The following ITGA2 variants were observed in gnomAD, a reference collection of about 807,000 sequenced individuals.
The protein encoded by ITGA2 is integrin subunit alpha 2, also known as integrin alpha-2.
In ITGA2, 101 loss-of-function variants were observed where a neutral mutation model predicts 146.3. The ratio of observed to expected loss-of-function variants is 0.69; its 90% confidence interval spans 0.59 to 0.81. The LOEUF (loss-of-function observed/expected upper bound fraction) is 0.81. Among genes scored for constraint, ITGA2 ranks in the 40% least tolerant of loss-of-function variants. The pLI, the probability that ITGA2 is intolerant of heterozygous loss-of-function variation, is 0.00. For synonymous variants in ITGA2, 477 were observed against 487.1 expected, an observed-to-expected ratio of 0.98 and a Z score of 0.27; for missense variants, 1,281 against 1,402.7, an observed-to-expected ratio of 0.91 and a Z score of 1.39.
At chr5:52,993,903 C>T (rs999206278) in intron 1 of ITGA2, among the ~76,000 whole-genome samples, 8 of 152,148 alleles carry the variant, frequency 5.3e-5, no homozygotes, top group African/African-American at 9.7e-5. Context: ...GAAAGATCAC[C>T]GCTCTGATTG....
rs1740449432 is a variant in ITGA2 at position 53,092,033 on chromosome 5, C to T, written c.*1434C>T. 1 of 152,128 alleles carries T rather than the reference C, an allele frequency of 6.6e-6. No homozygotes were observed. Among genetic ancestry groups the T allele is most frequent in the Admixed American group, 6.5e-5 (1 of 15,286 alleles). The allele number at this position is 152,128 out of a possible 1,614,324, so 9.4% of individuals were successfully genotyped here. A position where few individuals can be genotyped will look rare whatever the true frequency, so the allele number is the denominator to read the frequency against. On this transcript the variant is annotated 3_prime_UTR_variant, in exon 30 of 30. Transcript: ENST00000296585. ...GATTTGGTCAGATTGGGATAAGGCC[C>T]AGCAATCTGCATTTTAACAAGCACC...
intron 2 of ITGA2, among the ~76,000 whole-genome samples, chr5:53,029,243 G>T (rs1437218468): frequency 6.6e-6 from 1 of 152,172 alleles, no homozygotes; most frequent in Non-Finnish European, 1.5e-5. Context: ...CTGCACTCTA[G>T]CTTGGGTGAC....
At chr5:53,051,066 T>A (rs1046430489) in intron 6 of ITGA2, among the ~76,000 whole-genome samples, 2 of 152,224 alleles carry the variant, frequency 1.3e-5, no homozygotes, top group African/African-American at 4.8e-5. Flanking sequence ...AGTTTATTTA[T>A]ATCAAGTTTA....
chr5:52,989,533 G>A lies in ITGA2; in HGVS notation c.64+1G>A, dbSNP rs1291742493. On this transcript the variant is annotated splice_donor_variant, in intron 1 of 29. Coordinates refer to ENST00000296585, the MANE Select transcript of ITGA2 (RefSeq NM_002203.4). LOFTEE classifies it high-confidence loss of function. ...CTGCTGGTGTTAGCGCTCAGTCAAG[G>A]TAAGCGGGGATTTCGCTCTGCATCG... 13 of 1,613,696 alleles carry A rather than the reference G, an allele frequency of 8.1e-6. No individual in the cohort carries two copies. In the East Asian group the frequency reaches 2.7e-4, roughly 33 times the overall value.
In ITGA2 at chr5:53,071,943, C is replaced by T. The variant is rs41366951; in HGVS notation, c.2241C>T (p.Pro747=). 1,664 of 1,611,434 alleles carry T rather than the reference C, an allele frequency of 1.0e-3. 3 individuals are homozygous for T. The highest frequency in any genetic ancestry group is 1.2e-3 in the Non-Finnish European group (1,410 of 1,178,182). The part of the protein sequence containing the change: ...CPEHIIYIQE[P]SDVVNSLDLR... ...TTGTGTGTGTGTATGTTTAGGAGCC[C>T]TCTGATGTTGTCAACTCTTTGGATT... Residue 747 remains proline, a synonymous_variant, in exon 18 of 30, where the codon CCC becomes CCT. Transcript: ENST00000296585.
chr5:53,063,405 T>C (rs1303210020), intron 13 of ITGA2, among the ~76,000 whole-genome samples: 1 of 151,910 alleles, frequency 6.6e-6, no homozygotes, highest in East Asian at 1.9e-4. Context: ...GGAAGTGTCA[T>C]TGCTTAGTGT....
chr5:53,016,639 G>A (rs1303375042), intron 1 of ITGA2, among the ~76,000 whole-genome samples: 1 of 152,212 alleles, frequency 6.6e-6, no homozygotes, highest in Non-Finnish European at 1.5e-5. Context: ...CGTCTGCAAT[G>A]AGGTTGGGGA....
intron 1 of ITGA2, 144 bp from the exon 2 acceptor site, chr5:53,026,604 C>A: frequency 1.4e-6 from 1 of 710,624 alleles, no homozygotes; most frequent in Non-Finnish European, 2.4e-6. Flanking sequence ...ACTTAAAAAG[C>A]AGTAGTTATT....
intron 29 of ITGA2, 131 bp downstream of exon 29, chr5:53,090,193 T>C (rs1031257283): frequency 1.4e-6 from 1 of 730,062 alleles, no homozygotes; most frequent in African/African-American, 1.8e-5. Context: ...CAAATTTGTT[T>C]ATAATTTCTT....
At chr5:53,048,067 G>C (rs1017377543) in intron 4 of ITGA2, among the ~76,000 whole-genome samples, 2 of 152,128 alleles carry the variant, frequency 1.3e-5, no homozygotes, top group Non-Finnish European at 2.9e-5. Context: ...TGGAAGGAAA[G>C]CACCTGTTTT....
At position 53,075,317 on chromosome 5, in the gene ITGA2, G is replaced by T; in HGVS notation, c.2825+13G>T. 1 of 1,606,430 alleles carries T rather than the reference G, an allele frequency of 6.2e-7. No individual in the cohort carries two copies. On this transcript the variant is annotated intron_variant, in intron 23 of 29. Transcript: ENST00000296585. Reference sequence around the variant, plus strand: ...TTCACTTAACAAGGTAGGTGAAGCAGTGGGTAACCTGCTATCACTGACACC... The same window carrying T: ...TTCACTTAACAAGGTAGGTGAAGCATTGGGTAACCTGCTATCACTGACACC...
chr5:53,062,878 G>T lies in ITGA2; in HGVS notation c.1551G>T (p.Met517Ile), dbSNP rs1375872658. 6.2e-7 allele frequency: 1 copy of T among 1,610,918 alleles called. No homozygotes were observed. Among genetic ancestry groups the T allele is most frequent in the Non-Finnish European group, 8.5e-7 (1 of 1,178,216 alleles). The change falls in exon 13 of 30, where the codon ATG becomes ATT. Residue 517 changes from methionine (M) to isoleucine (I), a missense_variant. Transcript: ENST00000296585. ...DVLLVGAPMY[M>I]SDLKKEEGRV... ...TCTTGGTAGGTGCACCAATGTACAT[G>T]AGTGACCTAAAGAAAGAGGAAGGAA... is the stretch of plus-strand genomic sequence containing the variant.
chr5:53,070,308 G>A lies in ITGA2; in HGVS notation c.2235+48G>A, dbSNP rs2112290. On this transcript the variant is annotated intron_variant, in intron 17 of 29. Transcript: ENST00000296585. ...TTTGACTTTATTTCTTCCTAAAGAC[G>A]AGAGAGTGGTAAAAGTCAAAAATGG... The A allele has an allele frequency of 0.72, 1,158,188 of 1,601,100 alleles. 420,818 individuals carry two copies. Among genetic ancestry groups the A allele is most frequent in the African/African-American group, 0.79 (58,826 of 74,588 alleles).
At chr5:53,036,553 G>A (rs1743501754) in intron 2 of ITGA2, among the ~76,000 whole-genome samples, 3 of 152,006 alleles carry the variant, frequency 2.0e-5, no homozygotes, top group Admixed American at 2.0e-4. Flanking sequence ...CCTTCTTCAA[G>A]TTTTTACTTA....
intron 1 of ITGA2, among the ~76,000 whole-genome samples, chr5:52,994,379 A>G (rs932847719): frequency 5.3e-5 from 8 of 152,158 alleles, no homozygotes; most frequent in Non-Finnish European, 8.8e-5. Context: ...CTGCATAGCT[A>G]AAAAATTGAG....
chr5:53,004,906 T>G (rs1579784512), intron 1 of ITGA2, among the ~76,000 whole-genome samples: 20 of 31,030 alleles, frequency 6.4e-4, no homozygotes, highest in Middle Eastern at 0.015. Context: ...TTTTTTTTTT[T>G]TTTTTTTTTT....
In ITGA2 at chr5:53,083,345, C is replaced by T. The variant is rs754268006; in HGVS notation, c.3150C>T (p.Cys1050=). The change falls in exon 27 of 30, where the codon TGC becomes TGT. Residue 1050 remains cysteine, a synonymous_variant. Transcript: ENST00000296585. ...CTTTGACTCAATACTATAAGAACTG[C>T]AGAACTGCTTCCTGTAGTAATGTTA... ...ENFRHTKELN[C]RTASCSNVTC... 6.3e-7 allele frequency: 1 copy of T among 1,598,308 alleles called. No homozygotes were observed.
intron 28 of ITGA2, 47 bp from the exon 29 acceptor site, chr5:53,089,899 C>T: frequency 8.8e-7 from 1 of 1,139,410 alleles, no homozygotes; most frequent in East Asian, 2.3e-5. Flanking sequence ...CATCTCCCCC[C>T]TTTTTTGTGG....
In ITGA2 at chr5:53,092,829, G is replaced by C. The variant is rs1740493936; in HGVS notation, c.*2230G>C. On this transcript the variant is annotated 3_prime_UTR_variant, in exon 30 of 30. Transcript: ENST00000296585. The stretch of plus-strand genomic sequence containing the variant: ...AATGACTATTTAAAAAGACAATGTG[G>C]CCAGGCACGGTGGCTCACACCTGTA... 1 of 152,242 alleles carries C rather than the reference G, an allele frequency of 6.6e-6. No individual in the cohort carries two copies. Among genetic ancestry groups the C allele is most frequent in the African/African-American group, 2.4e-5 (1 of 41,426 alleles). The allele number at this position is 152,242 out of a possible 1,614,324, so 9.4% of individuals were successfully genotyped here. A position where few individuals can be genotyped will look rare whatever the true frequency, so the allele number is the denominator to read the frequency against.
Sources: allele counts gnomAD v4.1 joint callset (sites outside exome capture counted in the v4.1 genomes callset), GRCh38; gene constraint gnomAD v4.1.1; transcripts MANE v1.5; gene names NCBI Gene and HGNC (gene_info 2026-07-23, HGNC 2026-07-21).